The following DRC11 variants were observed in gnomAD, a reference collection of about 807,000 sequenced individuals.
DRC11 encodes IQ and AAA domain-containing protein 1.
the DRC11 span, chr2:236,324,579 A>C: frequency 1.5e-6 from 1 of 678,392 alleles, no homozygotes; most frequent in East Asian, 2.9e-5. The surrounding 1 kb of genome is among the most constrained non-coding windows in gnomAD (Gnocchi z 5.7). Context: ...CAGGCGGGCA[A>C]TGGTGAATCT....
chr2:236,448,199 C>T, the DRC11 span, among the ~76,000 whole-genome samples: 316 of 152,176 alleles, frequency 2.1e-3, 1 homozygote, highest in African/African-American at 7.4e-3. The surrounding 1 kb of genome is among the most constrained non-coding windows in gnomAD (Gnocchi z 5.3). Flanking sequence ...CCTTTTTCTC[C>T]ACCCCAAAGA....
the DRC11 span, among the ~76,000 whole-genome samples, chr2:236,406,019 A>C: frequency 6.6e-6 from 1 of 152,228 alleles, no homozygotes; most frequent in African/African-American, 2.4e-5. This position sits in a 1 kb window ranked among gnomAD's most constrained non-coding sequence, Gnocchi z 4.7. Flanking sequence ...CATATTTAAA[A>C]AGCTGGTTTA....
At chr2:236,481,005 C>A in the DRC11 span, among the ~76,000 whole-genome samples, 2 of 152,242 alleles carry the variant, frequency 1.3e-5, no homozygotes, top group East Asian at 1.9e-4. Context: ...TGATGCCTGG[C>A]CCAATGGGGA....
At chr2:236,357,919 T>C in the DRC11 span, among the ~76,000 whole-genome samples, 2 of 117,652 alleles carry the variant, frequency 1.7e-5, no homozygotes, top group African/African-American at 7.0e-5. Flanking sequence ...ATACATATAC[T>C]ATATAAATTC....
chr2:236,326,376 T>C, the DRC11 span, among the ~76,000 whole-genome samples: 1 of 152,230 alleles, frequency 6.6e-6, no homozygotes, highest in African/African-American at 2.4e-5. Flanking sequence ...TGGATCTTTG[T>C]ATTTTTATGG....
chr2:236,344,510 C>T, the DRC11 span: 5 of 1,423,642 alleles, frequency 3.5e-6, no homozygotes, highest in Admixed American at 5.4e-5. Flanking sequence ...TAAGGGCCTC[C>T]TTTGGAGGAA....
the DRC11 span, among the ~76,000 whole-genome samples, chr2:236,354,851 G>C: frequency 2.0e-5 from 3 of 152,192 alleles, no homozygotes; most frequent in Admixed American, 2.0e-4. Context: ...CTGGACAGGT[G>C]GAGTGGGACA....
chr2:236,493,136 G>A, the DRC11 span, among the ~76,000 whole-genome samples: 2 of 152,042 alleles, frequency 1.3e-5, no homozygotes, highest in South Asian at 2.1e-4. Flanking sequence ...ATCTCATATG[G>A]CGGCAGACAA....
chr2:236,350,485 C>T, the DRC11 span, among the ~76,000 whole-genome samples: 3 of 152,232 alleles, frequency 2.0e-5, no homozygotes, highest in Non-Finnish European at 4.4e-5. The surrounding 1 kb of genome is among the most constrained non-coding windows in gnomAD (Gnocchi z 5.2). Context: ...CTCTGGCGTC[C>T]AGGACACCAT....
chr2:236,317,474 T>C, the DRC11 span, among the ~76,000 whole-genome samples: 1 of 152,092 alleles, frequency 6.6e-6, no homozygotes, highest in South Asian at 2.1e-4. This position sits in a 1 kb window ranked among gnomAD's most constrained non-coding sequence, Gnocchi z 5.4. Flanking sequence ...GAATACACAC[T>C]CTTTACTTCC....
At chr2:236,477,291 T>C in the DRC11 span, among the ~76,000 whole-genome samples, 1 of 152,216 alleles carries the variant, frequency 6.6e-6, no homozygotes, top group African/African-American at 2.4e-5. Context: ...ATTTTATATA[T>C]TACATGTATT....
At chr2:236,497,107 CAT>C in the DRC11 span, 1 of 1,284,980 alleles carries the variant, frequency 7.8e-7, no homozygotes, top group Admixed American at 2.3e-5. This position sits in a 1 kb window ranked among gnomAD's most constrained non-coding sequence, Gnocchi z 5.1. Flanking sequence ...ATATCGGGTA[CAT>C]ATCTTATTTA....
At chr2:236,455,955 A>G in the DRC11 span, among the ~76,000 whole-genome samples, 1 of 151,952 alleles carries the variant, frequency 6.6e-6, no homozygotes, top group African/African-American at 2.4e-5. This position sits in a 1 kb window ranked among gnomAD's most constrained non-coding sequence, Gnocchi z 5.7. Context: ...CACCACTGGC[A>G]GCCCTTGCTC....
At chr2:236,324,575 G>T in the DRC11 span, 1 of 668,476 alleles carries the variant, frequency 1.5e-6, no homozygotes, top group Non-Finnish European at 2.6e-6. This position sits in a 1 kb window ranked among gnomAD's most constrained non-coding sequence, Gnocchi z 5.7. Flanking sequence ...TCTTCAGGCG[G>T]GCAATGGTGA....
At chr2:236,380,340 T>G in the DRC11 span, among the ~76,000 whole-genome samples, 4 of 152,172 alleles carry the variant, frequency 2.6e-5, no homozygotes, top group Admixed American at 2.6e-4. The surrounding 1 kb of genome is among the most constrained non-coding windows in gnomAD (Gnocchi z 4.9). Context: ...TTTTAAAACT[T>G]AAAAAAATGT....
chr2:236,343,017 G>C, the DRC11 span, among the ~76,000 whole-genome samples: 33 of 152,198 alleles, frequency 2.2e-4, no homozygotes, highest in Admixed American at 5.9e-4. The surrounding 1 kb of genome is among the most constrained non-coding windows in gnomAD (Gnocchi z 6.6). Context: ...GCATGGGCAG[G>C]GTTTGCGGGA....
chr2:236,471,077 T>G, the DRC11 span, among the ~76,000 whole-genome samples: 13 of 152,206 alleles, frequency 8.5e-5, no homozygotes, highest in Non-Finnish European at 1.9e-4. The surrounding 1 kb of genome is among the most constrained non-coding windows in gnomAD (Gnocchi z 4.6). Flanking sequence ...TTAACTCCCT[T>G]ACTTCTCAAC....
At chr2:236,339,070 G>A in the DRC11 span, among the ~76,000 whole-genome samples, 28 of 152,288 alleles carry the variant, frequency 1.8e-4, no homozygotes, top group African/African-American at 6.5e-4. Flanking sequence ...GCCGGGGAAG[G>A]AGAAGCACAC....
At chr2:236,318,981 G>C in the DRC11 span, among the ~76,000 whole-genome samples, 2 of 152,158 alleles carry the variant, frequency 1.3e-5, no homozygotes, top group African/African-American at 4.8e-5. The surrounding 1 kb of genome is among the most constrained non-coding windows in gnomAD (Gnocchi z 7.0). Context: ...CAGACGTGCA[G>C]GGCACCCCCA....
Sources: gnomAD v4.1 joint callset for allele counts (sites outside exome capture counted in the v4.1 genomes callset) on GRCh38, gnomAD v4.1.1 for gene constraint, Gnocchi (gnomAD v3.1) non-coding constraint, MANE v1.5 for transcripts, NCBI Gene and HGNC (gene_info 2026-07-23, HGNC 2026-07-21) for gene names.